Variants in AGBL4 observed in about 807,000 individuals in gnomAD.
AGBL4 encodes AGBL carboxypeptidase 4, also known as cytosolic carboxypeptidase 6.
Under a neutral mutation model 66.4 loss-of-function variants are expected in AGBL4, and 58 were observed. The observed-to-expected ratio is 0.87, with a 90% CI of 0.71 to 1.09. AGBL4 has a LOEUF of 1.09. Among genes scored for constraint, AGBL4 ranks in the 50% least tolerant of loss-of-function variants. The pLI is 0.00. For missense variants in AGBL4, 579 were observed against 631.0 expected (o/e 0.92, Z 0.88); for synonymous variants, 234 against 222.9 (o/e 1.05, Z -0.44).
At chr1:48,824,163 A>AGAAAG (rs1258767966) in intron 6 of AGBL4, among the ~76,000 whole-genome samples, 1 of 152,202 alleles carries the variant, frequency 6.6e-6, no homozygotes, top group East Asian at 1.9e-4. Context: ...GGGAATGTAA[A>AGAAAG]GAAAGGAAAG....
chr1:48,845,960 G>T (rs17104968), intron 6 of AGBL4, among the ~76,000 whole-genome samples: 1,976 of 152,320 alleles, frequency 0.013, 39 homozygotes, highest in African/African-American at 0.043. Context: ...TGTTATCACT[G>T]TTTTTCACAG....
chr1:49,881,660 T>C (rs901475753), intron 1 of AGBL4, among the ~76,000 whole-genome samples: 2 of 151,102 alleles, frequency 1.3e-5, no homozygotes, highest in African/African-American at 4.9e-5. Flanking sequence ...TTTTTTCATG[T>C]GTTTTTTGGC....
At chr1:48,751,569 C>T (rs1181585070) in intron 6 of AGBL4, among the ~76,000 whole-genome samples, 2 of 152,200 alleles carry the variant, frequency 1.3e-5, no homozygotes, top group East Asian at 3.9e-4. Flanking sequence ...AGTGTCTGGC[C>T]CAAAGCAGGT....
chr1:48,779,355 A>G (rs911472338), intron 6 of AGBL4, among the ~76,000 whole-genome samples: 2 of 152,196 alleles, frequency 1.3e-5, no homozygotes, highest in African/African-American at 4.8e-5. Flanking sequence ...GCAGGTCCCA[A>G]GCTTTTGTGC....
chr1:49,751,471 G>A (rs1651458505), intron 2 of AGBL4, among the ~76,000 whole-genome samples: 2 of 152,180 alleles, frequency 1.3e-5, no homozygotes, highest in South Asian at 2.1e-4. Context: ...TGTGCTGCTG[G>A]ATTTGGTTTG....
intron 3 of AGBL4, among the ~76,000 whole-genome samples, chr1:49,294,694 C>A (rs933289842): frequency 6.6e-6 from 1 of 152,186 alleles, no homozygotes; most frequent in African/African-American, 2.4e-5. Context: ...GGCTCTTCAA[C>A]AGCCCCAACA....
chr1:49,213,374 T>C (rs146160207), intron 4 of AGBL4, among the ~76,000 whole-genome samples: 1 of 152,210 alleles, frequency 6.6e-6, no homozygotes, highest in Non-Finnish European at 1.5e-5. Context: ...TCCTCAGTGT[T>C]GGAGGTGGGG....
intron 3 of AGBL4, among the ~76,000 whole-genome samples, chr1:49,372,498 C>T (rs532709289): frequency 6.6e-6 from 1 of 152,148 alleles, no homozygotes; most frequent in Non-Finnish European, 1.5e-5. Flanking sequence ...CTGCTCTACC[C>T]ATGACCCGAA....
intron 3 of AGBL4, among the ~76,000 whole-genome samples, chr1:49,520,922 C>A (rs562518527): frequency 2.3e-4 from 35 of 151,774 alleles, no homozygotes; most frequent in African/African-American, 8.2e-4. Flanking sequence ...AATTCTCCTG[C>A]CTCAGCCTCC....
intron 2 of AGBL4, among the ~76,000 whole-genome samples, chr1:49,764,603 C>G (rs886081197): frequency 2.0e-5 from 3 of 152,082 alleles, no homozygotes; most frequent in African/African-American, 7.2e-5. Context: ...ACTGTCTACC[C>G]TATTCCAACT....
At chr1:48,639,688 C>T (rs1459353633) in intron 8 of AGBL4, among the ~76,000 whole-genome samples, 1 of 152,192 alleles carries the variant, frequency 6.6e-6, no homozygotes, top group African/African-American at 2.4e-5. Flanking sequence ...GCATGCATTG[C>T]TCAACATTTG....
intron 6 of AGBL4, among the ~76,000 whole-genome samples, chr1:48,742,253 A>G (rs901992941): frequency 6.6e-6 from 1 of 152,210 alleles, no homozygotes; most frequent in Non-Finnish European, 1.5e-5. Context: ...CTTCATTTCC[A>G]GTTCACCTGA....
At chr1:48,824,617 G>A (rs1646386456) in intron 6 of AGBL4, among the ~76,000 whole-genome samples, 1 of 152,134 alleles carries the variant, frequency 6.6e-6, no homozygotes, top group Non-Finnish European at 1.5e-5. Context: ...TCTACTTGCT[G>A]GAGTAGCATG....
chr1:48,715,003 G>A (rs1647026775), intron 6 of AGBL4, among the ~76,000 whole-genome samples: 1 of 152,218 alleles, frequency 6.6e-6, no homozygotes, highest in African/African-American at 2.4e-5. Context: ...AGGATGAGAG[G>A]AAAATAAAGC....
intron 3 of AGBL4, among the ~76,000 whole-genome samples, chr1:49,585,114 A>G (rs1248764861): frequency 6.6e-6 from 1 of 152,238 alleles, no homozygotes; most frequent in Non-Finnish European, 1.5e-5. Context: ...TATTATAGTT[A>G]GAGTTAATTA....
intron 5 of AGBL4, among the ~76,000 whole-genome samples, chr1:48,957,049 C>T (rs1657509296): frequency 6.6e-6 from 1 of 152,080 alleles, no homozygotes; most frequent in Non-Finnish European, 1.5e-5. Context: ...AAACAAAACA[C>T]TACAAATATG....
intron 3 of AGBL4, among the ~76,000 whole-genome samples, chr1:49,562,625 A>G (rs890024624): frequency 6.6e-6 from 1 of 151,940 alleles, no homozygotes; most frequent in East Asian, 1.9e-4. Context: ...TTGTAGATAT[A>G]TGGCATTATT....
chr1:49,765,567 G>C (rs1652672381), intron 2 of AGBL4, among the ~76,000 whole-genome samples: 1 of 151,978 alleles, frequency 6.6e-6, no homozygotes, highest in African/African-American at 2.4e-5. Flanking sequence ...ACCACCAAAA[G>C]ATGACACTAG....
At chr1:48,927,440 G>A (rs1040627863) in intron 5 of AGBL4, among the ~76,000 whole-genome samples, 68 of 152,092 alleles carry the variant, frequency 4.5e-4, no homozygotes, top group African/African-American at 1.6e-3. Flanking sequence ...CCTCTCACCA[G>A]GTCCCTCCCA....
Sources: allele counts gnomAD v4.1 joint callset (sites outside exome capture counted in the v4.1 genomes callset), GRCh38; gene constraint gnomAD v4.1.1; transcripts MANE v1.5; gene names NCBI Gene and HGNC (gene_info 2026-07-23, HGNC 2026-07-21).